GRM8: variants seen among roughly 807,000 people sequenced by gnomAD.
GRM8 encodes glutamate metabotropic receptor 8.
GRM8 carries 47 observed loss-of-function variants against 87.2 expected under a neutral mutation model. That is an observed-to-expected ratio of 0.54 (90% CI 0.43 to 0.69). The LOEUF is 0.69. GRM8 is among the 30% of genes least tolerant of loss of function. The pLI is 0.00. For missense variants in GRM8, 1,019 were observed against 1,139.2 expected, an observed-to-expected ratio of 0.89 and a Z score of 1.52; for synonymous variants, 396 against 404.5, an observed-to-expected ratio of 0.98 and a Z score of 0.25.
At chr7:126,598,371 A>G (rs1797417125) in intron 8 of GRM8, among the ~76,000 whole-genome samples, 1 of 152,098 alleles carries the variant, frequency 6.6e-6, no homozygotes, top group Non-Finnish European at 1.5e-5. Context: ...ATCAGATTAA[A>G]TCAGATTTGG....
chr7:127,104,532 T>G (rs576954869), intron 3 of GRM8, among the ~76,000 whole-genome samples: 1 of 152,226 alleles, frequency 6.6e-6, no homozygotes, highest in Non-Finnish European at 1.5e-5. Flanking sequence ...CATACTCCAG[T>G]GTGGTACTAA....
intron 3 of GRM8, among the ~76,000 whole-genome samples, chr7:126,972,606 T>C (rs1460296279): frequency 1.3e-5 from 2 of 152,212 alleles, no homozygotes; most frequent in African/African-American, 4.8e-5. Context: ...ATGCTAGATT[T>C]AACCAATCTA....
intron 8 of GRM8, among the ~76,000 whole-genome samples, chr7:126,573,667 G>A (rs1267398282): frequency 2.0e-5 from 3 of 151,160 alleles, no homozygotes; most frequent in Admixed American, 1.3e-4. Context: ...TCATTGCAAC[G>A]TCCGCCTCCC....
chr7:127,236,397 G>T (rs1044514262), intron 2 of GRM8, among the ~76,000 whole-genome samples: 1 of 152,184 alleles, frequency 6.6e-6, no homozygotes, highest in Non-Finnish European at 1.5e-5. Context: ...TTGACTCACA[G>T]TTCAGCATGG....
At chr7:126,781,667 T>G (rs887487326) in intron 6 of GRM8, among the ~76,000 whole-genome samples, 8 of 152,168 alleles carry the variant, frequency 5.3e-5, no homozygotes, top group African/African-American at 1.9e-4. Context: ...ATAGAAATGC[T>G]TATGTTAAAA....
In GRM8 at chr7:126,446,239, C is replaced by T. The variant is rs1802005761; in HGVS notation, c.2564G>A (p.Ser855Asn). The change falls in exon 10 of 11, where the codon AGC becomes AAC. Residue 855 changes from serine (S) to asparagine (N), a missense_variant. By Grantham distance (46) the Ser-to-Asn change is conservative. Transcript: ENST00000339582. ...GGCAGCTGTCACCACAGCCTTGAAG[C>T]TCCTCTTGCGTTTTTGAACATTCTG... is the stretch of plus-strand genomic sequence containing the variant. ...PEQNVQKRKR[S>N]FKAVVTAATM... The T allele has an allele frequency of 6.2e-7, 1 of 1,613,064 alleles. No individual in the cohort carries two copies. The highest frequency in any genetic ancestry group is 8.5e-7 in the Non-Finnish European group (1 of 1,179,424).
chr7:126,657,755 T>G (rs1433296088), intron 7 of GRM8, among the ~76,000 whole-genome samples: 2 of 152,184 alleles, frequency 1.3e-5, no homozygotes, highest in African/African-American at 2.4e-5. Context: ...TACTTGAACC[T>G]TTGAATTCAG....
intron 7 of GRM8, among the ~76,000 whole-genome samples, chr7:126,630,698 C>G (rs1801171212): frequency 1.3e-5 from 2 of 152,102 alleles, no homozygotes; most frequent in South Asian, 4.1e-4. Context: ...AAGTAGACTT[C>G]ATCCCCGAGA....
chr7:126,957,092 A>G (rs1018222828), intron 3 of GRM8, among the ~76,000 whole-genome samples: 4 of 152,164 alleles, frequency 2.6e-5, no homozygotes, highest in Non-Finnish European at 5.9e-5. Flanking sequence ...AAGTTAGACT[A>G]CTACACTGGT....
At chr7:126,585,999 C>G (rs899887855) in intron 8 of GRM8, among the ~76,000 whole-genome samples, 1 of 152,106 alleles carries the variant, frequency 6.6e-6, no homozygotes, top group Non-Finnish European at 1.5e-5. Flanking sequence ...GATACAAAAT[C>G]AATGTGCAAA....
intron 7 of GRM8, among the ~76,000 whole-genome samples, chr7:126,623,852 AG>A (rs1446521541): frequency 6.6e-6 from 1 of 152,170 alleles, no homozygotes; most frequent in African/African-American, 2.4e-5. Context: ...CTGAGTTGGG[AG>A]GATGGCTTGA....
At chr7:127,026,763 C>A (rs1010431330) in intron 3 of GRM8, among the ~76,000 whole-genome samples, 2 of 152,096 alleles carry the variant, frequency 1.3e-5, no homozygotes, top group East Asian at 1.9e-4. Flanking sequence ...GGGTGGATTG[C>A]AAAACTTTTC....
intron 2 of GRM8, among the ~76,000 whole-genome samples, chr7:127,145,527 C>G (rs1828509094): frequency 6.6e-6 from 1 of 152,144 alleles, no homozygotes; most frequent in African/African-American, 2.4e-5. Context: ...ATAACATCAA[C>G]TTTTCATATT....
chr7:127,134,748 A>G (rs1827860886), intron 2 of GRM8, among the ~76,000 whole-genome samples: 1 of 152,174 alleles, frequency 6.6e-6, no homozygotes, highest in African/African-American at 2.4e-5. Flanking sequence ...AAAAAAAGTT[A>G]AGATCTTAAC....
In GRM8 at chr7:126,957,746, C is replaced by A. The variant is rs1024349549; in HGVS notation, c.728-53063G>T. Among the ~76,000 whole-genome samples, 58 of 152,176 alleles carry A rather than the reference C, an allele frequency of 3.8e-4. 1 individual carries two copies. Among genetic ancestry groups the A allele is most frequent in the Non-Finnish European group, 2.6e-4 (18 of 68,026 alleles). ...GTGGCTCAGTGTGGGCCTGCAGGCA[C>A]CCCTCGGCATGAATAGCCTGGGTAC... On this transcript the variant is annotated intron_variant, in intron 3 of 10. Coordinates refer to ENST00000339582, the MANE Select transcript of GRM8 (RefSeq NM_000845.3).
chr7:126,589,826 T>C (rs1190187455), intron 8 of GRM8, among the ~76,000 whole-genome samples: 2 of 152,052 alleles, frequency 1.3e-5, no homozygotes, highest in South Asian at 4.2e-4. Flanking sequence ...CACCCCCTAG[T>C]AGGTAAGTAC....
chr7:126,740,625 T>C (rs1003078452), intron 7 of GRM8, among the ~76,000 whole-genome samples: 2 of 152,176 alleles, frequency 1.3e-5, no homozygotes, highest in East Asian at 1.9e-4. Flanking sequence ...AAATCATTTA[T>C]ATTGTTTACC....
At chr7:127,093,407 C>A (rs1824343970) in intron 3 of GRM8, among the ~76,000 whole-genome samples, 1 of 152,178 alleles carries the variant, frequency 6.6e-6, no homozygotes, top group African/African-American at 2.4e-5. Context: ...TCCTCTGACA[C>A]TATCATCAAG....
chr7:126,600,193 G>A (rs117465982), intron 8 of GRM8, among the ~76,000 whole-genome samples: 1 of 152,218 alleles, frequency 6.6e-6, no homozygotes, highest in Non-Finnish European at 1.5e-5. Flanking sequence ...TTGTAGTTAT[G>A]AGTATATGGT....
Sources: gnomAD v4.1 joint callset for allele counts (sites outside exome capture counted in the v4.1 genomes callset) on GRCh38, gnomAD v4.1.1 for gene constraint, MANE v1.5 for transcripts, NCBI Gene and HGNC (gene_info 2026-07-23, HGNC 2026-07-21) for gene names.